NAALADL2: variants seen among roughly 807,000 people sequenced by gnomAD.
The protein encoded by NAALADL2 is N-acetylated alpha-linked acidic dipeptidase like 2, also known as inactive N-acetylated-alpha-linked acidic dipeptidase-like protein 2.
A neutral mutation model predicts 87.2 loss-of-function variants in NAALADL2; 76 were observed. The observed-to-expected ratio is 0.87, with a 90% confidence interval of 0.72 to 1.05. The LOEUF is 1.05. NAALADL2 is among the 50% of genes least tolerant of loss of function. The pLI is 0.00. For missense variants in NAALADL2, 1,089 were observed against 945.8 expected (o/e 1.15, Z -1.99); for synonymous variants, 354 against 331.0 (o/e 1.07, Z -0.75).
At chr3:175,656,575 C>A (rs1212128063) in intron 11 of NAALADL2, among the ~76,000 whole-genome samples, 1 of 151,962 alleles carries the variant, frequency 6.6e-6, no homozygotes, top group Non-Finnish European at 1.5e-5. Context: ...AACCATATAA[C>A]ACTACATTTA....
chr3:175,632,685 T>C (rs1727961674), intron 11 of NAALADL2, among the ~76,000 whole-genome samples: 1 of 152,054 alleles, frequency 6.6e-6, no homozygotes, highest in Admixed American at 6.6e-5. Flanking sequence ...ATTTCATAAT[T>C]ATTAATTCAA....
intron 5 of NAALADL2, among the ~76,000 whole-genome samples, chr3:175,405,294 A>G (rs1712110162): frequency 6.6e-6 from 1 of 152,140 alleles, no homozygotes; most frequent in Admixed American, 6.6e-5. Context: ...TCAACATAAT[A>G]AATAATTATT....
chr3:174,845,309 G>C (rs1361765877), intron 3 of NAALADL2, among the ~76,000 whole-genome samples: 1 of 152,178 alleles, frequency 6.6e-6, no homozygotes, highest in Non-Finnish European at 1.5e-5. Context: ...CCTCTGGGCT[G>C]GCTCTCCTGC....
intron 2 of NAALADL2, among the ~76,000 whole-genome samples, chr3:174,571,799 G>T (rs1256008446): frequency 6.6e-6 from 1 of 152,114 alleles, no homozygotes; most frequent in Non-Finnish European, 1.5e-5. Flanking sequence ...GAGCTGGGTG[G>T]GTAGGGAATG....
chr3:175,403,319 A>C (rs1228358374), intron 5 of NAALADL2, among the ~76,000 whole-genome samples: 2 of 151,998 alleles, frequency 1.3e-5, no homozygotes, highest in East Asian at 3.9e-4. Flanking sequence ...TACAGAAGTG[A>C]ATTGTCCCTT....
intron 10 of NAALADL2, chr3:175,581,349 G>C (rs1467793903): frequency 6.3e-6 from 1 of 158,992 alleles, no homozygotes; most frequent in African/African-American, 2.4e-5. Flanking sequence ...GGCTGAGATA[G>C]AAGAATCACT....
chr3:175,358,855 A>G (rs1239858150), intron 5 of NAALADL2, among the ~76,000 whole-genome samples: 1 of 152,132 alleles, frequency 6.6e-6, no homozygotes, highest in Non-Finnish European at 1.5e-5. Context: ...CAATAAGTCA[A>G]TAGGTTAAAA....
At chr3:175,753,351 A>C (rs1746847075) in intron 12 of NAALADL2, among the ~76,000 whole-genome samples, 1 of 152,130 alleles carries the variant, frequency 6.6e-6, no homozygotes, top group African/African-American at 2.4e-5. Context: ...CCCTTATAAA[A>C]CTACTTATCT....
chr3:175,003,055 C>G (rs1217393802), intron 1 of NAALADL2, among the ~76,000 whole-genome samples: 8 of 152,190 alleles, frequency 5.3e-5, no homozygotes, highest in African/African-American at 1.9e-4. Flanking sequence ...CCAGTGCTCA[C>G]TGTAGAGAAG....
intron 2 of NAALADL2, among the ~76,000 whole-genome samples, chr3:174,574,682 T>G (rs1210489488): frequency 3.9e-5 from 6 of 152,128 alleles, no homozygotes; most frequent in African/African-American, 1.4e-4. Flanking sequence ...TTCATTAAGT[T>G]TTCTTGTTCC....
chr3:175,103,516 A>G (rs1449709563), intron 2 of NAALADL2, among the ~76,000 whole-genome samples: 2 of 152,188 alleles, frequency 1.3e-5, no homozygotes, highest in Non-Finnish European at 2.9e-5. Context: ...TTCCTGTGTC[A>G]TGCTCCATGT....
chr3:174,955,393 C>T (rs746093127), intron 1 of NAALADL2, among the ~76,000 whole-genome samples: 1 of 152,056 alleles, frequency 6.6e-6, no homozygotes, highest in Non-Finnish European at 1.5e-5. Context: ...TTTAAAACAA[C>T]AAATACCTGT....
intron 3 of NAALADL2, among the ~76,000 whole-genome samples, chr3:174,796,403 G>A (rs1361027961): frequency 1.3e-5 from 2 of 151,986 alleles, no homozygotes; most frequent in East Asian, 1.9e-4. Flanking sequence ...AGTCTCCAGT[G>A]CCTATGGTAC....
intron 10 of NAALADL2, among the ~76,000 whole-genome samples, chr3:175,626,875 G>A (rs2149714370): frequency 6.6e-6 from 1 of 151,864 alleles, no homozygotes; most frequent in Middle Eastern, 3.4e-3. Flanking sequence ...CCATGTAAAT[G>A]TTTCTCAAAT....
intron 1 of NAALADL2, among the ~76,000 whole-genome samples, chr3:174,960,254 G>T (rs1224038023): frequency 1.3e-5 from 2 of 152,184 alleles, no homozygotes; most frequent in East Asian, 3.9e-4. Flanking sequence ...TTAGAAGATT[G>T]TTGAAGTTCT....
intron 10 of NAALADL2, among the ~76,000 whole-genome samples, chr3:175,584,119 C>A (rs1720194644): frequency 6.6e-6 from 1 of 151,660 alleles, no homozygotes; most frequent in Admixed American, 6.6e-5. Context: ...CTCACTGCAA[C>A]CTCCACCTCC....
At chr3:175,455,966 A>C (rs1722261959) in intron 6 of NAALADL2, among the ~76,000 whole-genome samples, 1 of 152,060 alleles carries the variant, frequency 6.6e-6, no homozygotes, top group African/African-American at 2.4e-5. Context: ...TAGAGACTCT[A>C]GAAGAACTAT....
At chr3:174,663,921 G>A (rs1245619403) in intron 2 of NAALADL2, among the ~76,000 whole-genome samples, 1 of 151,712 alleles carries the variant, frequency 6.6e-6, no homozygotes, top group Admixed American at 6.6e-5. Flanking sequence ...CCGAGTAGCT[G>A]GGATTACAGG....
intron 11 of NAALADL2, among the ~76,000 whole-genome samples, chr3:175,664,519 C>G (rs1037110702): frequency 7.2e-5 from 11 of 152,044 alleles, no homozygotes; most frequent in African/African-American, 2.2e-4. Flanking sequence ...TCTATAGTGC[C>G]TAGAACAGTG....
Sources: allele counts gnomAD v4.1 joint callset (sites outside exome capture counted in the v4.1 genomes callset), GRCh38; gene constraint gnomAD v4.1.1; transcripts MANE v1.5; gene names NCBI Gene and HGNC (gene_info 2026-07-23, HGNC 2026-07-21).